The following PAAF1 variants were observed in gnomAD, a reference collection of about 807,000 sequenced individuals.
PAAF1 encodes the protein proteasomal ATPase associated factor 1, also known as proteasomal ATPase-associated factor 1.
Under a neutral mutation model 52.8 loss-of-function variants are expected in PAAF1, and 46 were observed. That is an observed-to-expected ratio of 0.87 (90% CI 0.69 to 1.11). PAAF1 has a LOEUF of 1.11. Ranked by LOEUF, PAAF1 falls within the 50% of genes most tolerant of loss-of-function variation. The pLI, the probability that PAAF1 is intolerant of heterozygous loss-of-function variation, is 0.00. For synonymous variants in PAAF1, 178 were observed against 172.8 expected (o/e 1.03, Z -0.24); for missense variants, 424 against 477.4 (o/e 0.89, Z 1.04).
intron 3 of PAAF1, chr11:73,888,888 G>C: frequency 4.5e-6 from 2 of 440,170 alleles, no homozygotes; most frequent in Non-Finnish European, 4.0e-6. Context: ...GGTTAATGGG[G>C]AATGAGACTG....
At chr11:73,883,750 G>C (rs1948981954) in intron 2 of PAAF1, among the ~76,000 whole-genome samples, 1 of 151,888 alleles carries the variant, frequency 6.6e-6, no homozygotes, top group South Asian at 2.1e-4. Flanking sequence ...TGAACTCTTG[G>C]CCTCAAGTGA....
chr11:73,907,041 CT>C (rs901341422), intron 6 of PAAF1, among the ~76,000 whole-genome samples: 1 of 149,750 alleles, frequency 6.7e-6, no homozygotes, highest in Non-Finnish European at 1.5e-5. Context: ...TATTGTATGT[CT>C]TTTTTTTTCC....
intron 2 of PAAF1, among the ~76,000 whole-genome samples, chr11:73,882,696 A>G (rs938427980): frequency 9.2e-5 from 14 of 151,516 alleles, no homozygotes; most frequent in Admixed American, 3.9e-4. Context: ...TCCGCCTTCC[A>G]GGTTCATGCC....
At chr11:73,884,966 TCTC>T (rs1049757625) in intron 2 of PAAF1, among the ~76,000 whole-genome samples, 4 of 150,290 alleles carry the variant, frequency 2.7e-5, no homozygotes, top group African/African-American at 9.8e-5. Context: ...TTCACGCCAT[TCTC>T]CTGCCTCAGC....
intron 11 of PAAF1, among the ~76,000 whole-genome samples, chr11:73,924,970 T>C (rs1213282336): frequency 6.6e-6 from 1 of 151,646 alleles, no homozygotes; most frequent in Admixed American, 6.6e-5. Context: ...CTGGCCAGCA[T>C]GGTGAAACCC....
chr11:73,884,928 C>T (rs867304059), intron 2 of PAAF1, among the ~76,000 whole-genome samples: 4 of 149,274 alleles, frequency 2.7e-5, no homozygotes, highest in Admixed American at 6.6e-5. Flanking sequence ...GGCGGGATCT[C>T]GGCTCACTGC....
intron 6 of PAAF1, among the ~76,000 whole-genome samples, chr11:73,907,030 G>T (rs1949777687): frequency 6.6e-6 from 1 of 150,676 alleles, no homozygotes; most frequent in South Asian, 2.1e-4. Context: ...CTGTACCATT[G>T]TATTGTATGT....
intron 2 of PAAF1, 83 bp downstream of exon 2, chr11:73,878,902 GC>G: frequency 1.5e-6 from 2 of 1,329,596 alleles, no homozygotes; most frequent in Non-Finnish European, 2.1e-6. Flanking sequence ...CTTTCTCCTG[GC>G]CCAGCCTCCT....
intron 2 of PAAF1, among the ~76,000 whole-genome samples, chr11:73,881,458 T>C (rs1948904408): frequency 6.6e-6 from 1 of 152,122 alleles, no homozygotes; most frequent in South Asian, 2.1e-4. Context: ...CAGCTAATTT[T>C]TGTATTTTTA....
At chr11:73,917,560 G>T (rs940899594) in intron 9 of PAAF1, among the ~76,000 whole-genome samples, 1 of 152,156 alleles carries the variant, frequency 6.6e-6, no homozygotes, top group Non-Finnish European at 1.5e-5. Context: ...TCAAGGCACT[G>T]AAAACCAGAA....
intron 7 of PAAF1, among the ~76,000 whole-genome samples, chr11:73,910,422 C>T (rs1426413174): frequency 2.0e-5 from 3 of 152,080 alleles, no homozygotes; most frequent in Non-Finnish European, 1.5e-5. Flanking sequence ...TGCATTATAG[C>T]TTGGACGTGA....
intron 7 of PAAF1, among the ~76,000 whole-genome samples, chr11:73,913,464 G>A (rs1005975988): frequency 6.6e-6 from 1 of 151,982 alleles, no homozygotes; most frequent in Non-Finnish European, 1.5e-5. Flanking sequence ...TAAAGTTGAA[G>A]TTTACATTTA....
At chr11:73,876,851 A>C (rs1458465638), upstream of PAAF1, 2 of 646,480 alleles carry the variant, frequency 3.1e-6, no homozygotes, top group Middle Eastern at 9.6e-4. Context: ...CCTTTCAGGA[A>C]CCAGCCCCTC....
chr11:73,876,766 G>A (rs895812109), upstream of PAAF1: 4 of 368,254 alleles, frequency 1.1e-5, no homozygotes, highest in Non-Finnish European at 1.5e-5. Flanking sequence ...CCGAACAGGT[G>A]GGAGAAGAGG....
chr11:73,920,944 A>T (rs147373771), intron 10 of PAAF1, among the ~76,000 whole-genome samples: 119 of 152,248 alleles, frequency 7.8e-4, no homozygotes, highest in Middle Eastern at 6.8e-3. Context: ...AGGCGGATAG[A>T]TCACCTGAGG....
Position 73,914,519 on chromosome 11 carries a change from T to C in PAAF1, c.819+15T>C, listed in dbSNP as rs756809991. On this transcript the variant is annotated intron_variant, in intron 8 of 11. Coordinates refer to ENST00000310571, the MANE Select transcript of PAAF1 (RefSeq NM_025155.3). The stretch of plus-strand genomic sequence containing the variant: ...GCAGGCAGCTGGCAAGTGGTTCCTA[T>C]ATGACCTTTGAACTCTGAGGCAACC... 6.2e-7 allele frequency: 1 copy of C among 1,613,068 alleles called. No homozygotes were observed. The highest frequency in any genetic ancestry group is 1.3e-5 in the African/African-American group (1 of 75,004).
At chr11:73,926,111 CTT>C (rs76906369) in intron 11 of PAAF1, among the ~76,000 whole-genome samples, 10,243 of 150,972 alleles carry the variant, frequency 0.068, 437 homozygotes, top group South Asian at 0.21. Context: ...TTCTTTCTTT[CTT>C]TCTTTTTTTT....
At chr11:73,897,492 C>T (rs2135165600) in intron 4 of PAAF1, among the ~76,000 whole-genome samples, 1 of 151,706 alleles carries the variant, frequency 6.6e-6, no homozygotes, top group East Asian at 2.0e-4. Flanking sequence ...AGAGACGCTC[C>T]TCACATCCCG....
Position 73,899,185 on chromosome 11 carries a change from G to A in PAAF1, c.322G>A (p.Val108Met), listed in dbSNP as rs373155061. The A allele has an allele frequency of 2.2e-5, 36 of 1,614,086 alleles. 1 individual carries two copies. In the South Asian group the frequency reaches 4.0e-4, roughly 18 times the overall value. Residue 108 changes from valine to methionine, a missense_variant, in exon 5 of 12, where the codon GTG becomes ATG. Val to Met is a conservative substitution (Grantham distance 21, BLOSUM62 1). Transcript: ENST00000310571. Reference sequence around the variant, plus strand: ...CATTTCCAGCAGAGGAGGTCTTGGTGTGTCTTCTAGTACTGACGGGACCAT... The same window carrying A: ...CATTTCCAGCAGAGGAGGTCTTGGTATGTCTTCTAGTACTGACGGGACCAT... ...LDISSRGGLG[V>M]SSSTDGTMKI... is the part of the protein sequence containing the mutation.
Sources: allele counts gnomAD v4.1 joint callset (sites outside exome capture counted in the v4.1 genomes callset), GRCh38; gene constraint gnomAD v4.1.1; transcripts MANE v1.5; gene names NCBI Gene and HGNC (gene_info 2026-07-23, HGNC 2026-07-21).